The following CFAP299 variants were observed in gnomAD, a reference collection of about 807,000 sequenced individuals.
The protein encoded by CFAP299 is cilia- and flagella-associated protein 299.
A neutral mutation model predicts 27.0 loss-of-function variants in CFAP299; 21 were observed. The ratio of observed to expected loss-of-function variants is 0.78; its 90% CI spans 0.55 to 1.12. The LOEUF (loss-of-function observed/expected upper bound fraction) is 1.12. Ranked by LOEUF, CFAP299 falls within the 50% of genes most tolerant of loss-of-function variation. The pLI is 0.00. For synonymous variants in CFAP299, 104 were observed against 98.1 expected (o/e 1.06, Z -0.36); for missense variants, 310 against 276.6 (o/e 1.12, Z -0.86).
chr4:80,752,603 TCA>T (rs1200106154), intron 3 of CFAP299, among the ~76,000 whole-genome samples: 6 of 151,450 alleles, frequency 4.0e-5, no homozygotes, highest in Non-Finnish European at 1.5e-5. Context: ...TTTGAAAATC[TCA>T]GTCTTATAGT....
chr4:80,829,206 T>G (rs1415615003), intron 3 of CFAP299, among the ~76,000 whole-genome samples: 2 of 151,982 alleles, frequency 1.3e-5, no homozygotes, highest in African/African-American at 4.8e-5. Context: ...TCAGAATATA[T>G]AGTGAATTTC....
rs751992783 is a variant in CFAP299, at chr4:80,944,873, C to T, written c.540C>T (p.Ala180=). 16 of 1,611,736 alleles carry T rather than the reference C, an allele frequency of 9.9e-6. No individual in the cohort carries two copies. The highest frequency in any genetic ancestry group is 6.7e-5 in the East Asian group (3 of 44,752). The part of the protein sequence containing the change: ...SNSSPNYQVI[A]DNPEGLLFRY... Reference sequence around the variant, plus strand: ...CAAGTCCCAACTATCAAGTGATTGCCGATAATCCAGAAGGCTTACTTTTCA... The same window carrying T: ...CAAGTCCCAACTATCAAGTGATTGCTGATAATCCAGAAGGCTTACTTTTCA... The change falls in exon 5 of 6, where the codon GCC becomes GCT. Residue 180 remains alanine, a synonymous_variant. Transcript: ENST00000358105.
intron 3 of CFAP299, among the ~76,000 whole-genome samples, chr4:80,806,794 T>TCC (rs1728887327): frequency 6.6e-6 from 1 of 152,206 alleles, no homozygotes; most frequent in Non-Finnish European, 1.5e-5. Flanking sequence ...CCACAGTATC[T>TCC]GTTTATTCAC....
At chr4:80,512,234 G>A (rs142267801) in intron 2 of CFAP299, among the ~76,000 whole-genome samples, 1,835 of 151,948 alleles carry the variant, frequency 0.012, 24 homozygotes, top group Non-Finnish European at 0.017. Context: ...GTGTGTGTGT[G>A]TGTGTGTGTG....
rs150548235 is a variant in CFAP299, at chr4:80,503,553, C to T, written c.243-79540C>T. ...GGCACAGATCAACTGGAATCAGAAT[C>T]CTGATTCCTCCATATATAACCTGTG... On this transcript the variant is annotated intron_variant, in intron 2 of 5. Transcript: ENST00000358105. Among the ~76,000 whole-genome samples, 181 of 152,138 alleles carry T rather than the reference C, an allele frequency of 1.2e-3. 3 individuals carry two copies. Among genetic ancestry groups the T allele is most frequent in the Admixed American group, 9.8e-3 (150 of 15,268 alleles).
chr4:80,380,315 A>T (rs1231309943), intron 2 of CFAP299, among the ~76,000 whole-genome samples: 1 of 152,112 alleles, frequency 6.6e-6, no homozygotes, highest in African/African-American at 2.4e-5. Context: ...TATAGACAAA[A>T]TCCAATATTG....
At chr4:80,824,165 A>G (rs535486946) in intron 3 of CFAP299, among the ~76,000 whole-genome samples, 2 of 152,260 alleles carry the variant, frequency 1.3e-5, no homozygotes, top group South Asian at 4.2e-4. Context: ...TCACATTGGC[A>G]GATTGGTTTT....
intron 3 of CFAP299, among the ~76,000 whole-genome samples, chr4:80,763,968 A>G (rs1725695175): frequency 6.6e-6 from 1 of 152,216 alleles, no homozygotes; most frequent in African/African-American, 2.4e-5. Flanking sequence ...AGATGGATTA[A>G]AGACTTAAAT....
At chr4:80,602,480 AATT>A (rs1259725565) in intron 3 of CFAP299, among the ~76,000 whole-genome samples, 1 of 152,220 alleles carries the variant, frequency 6.6e-6, no homozygotes, top group African/African-American at 2.4e-5. Flanking sequence ...CAAGAGAACT[AATT>A]GAACAATCAT....
chr4:80,427,541 C>T (rs915977281), intron 2 of CFAP299, among the ~76,000 whole-genome samples: 7 of 152,080 alleles, frequency 4.6e-5, no homozygotes, highest in Non-Finnish European at 7.4e-5. Flanking sequence ...TGAATAGTCC[C>T]AAAATTGTGT....
intron 3 of CFAP299, among the ~76,000 whole-genome samples, chr4:80,661,664 A>G (rs548379475): frequency 1.3e-5 from 2 of 152,156 alleles, no homozygotes; most frequent in Non-Finnish European, 2.9e-5. Flanking sequence ...AATTGTTTAA[A>G]CGATATGAAA....
intron 2 of CFAP299, among the ~76,000 whole-genome samples, chr4:80,422,689 T>C (rs1727346668): frequency 1.3e-5 from 2 of 152,230 alleles, no homozygotes; most frequent in African/African-American, 2.4e-5. Flanking sequence ...TATTAGTAGA[T>C]GATCAATATG....
chr4:80,405,244 C>G (rs766965161), intron 2 of CFAP299, among the ~76,000 whole-genome samples: 1 of 152,150 alleles, frequency 6.6e-6, no homozygotes, highest in Non-Finnish European at 1.5e-5. Context: ...GATGCTGTGT[C>G]TTGCCTGTGG....
intron 2 of CFAP299, among the ~76,000 whole-genome samples, chr4:80,364,089 A>AACACACACACAC (rs56300395): frequency 0.048 from 5,321 of 110,874 alleles, 276 homozygotes; most frequent in Middle Eastern, 0.1. Context: ...TCCGTCTCAA[A>AACACACACACAC]ACACACACAC....
intron 3 of CFAP299, among the ~76,000 whole-genome samples, chr4:80,816,628 T>C (rs1729434609): frequency 6.6e-6 from 1 of 152,106 alleles, no homozygotes; most frequent in Non-Finnish European, 1.5e-5. Context: ...GTGTATCCCA[T>C]TTTCTCAGCA....
At chr4:80,456,920 C>T (rs1603242) in intron 2 of CFAP299, among the ~76,000 whole-genome samples, 11,023 of 151,170 alleles carry the variant, frequency 0.073, 1,301 homozygotes, top group African/African-American at 0.25. Context: ...ACAAAGGCTA[C>T]GGTGTTGTGG....
chr4:80,480,477 T>G (rs1221179001), intron 2 of CFAP299, among the ~76,000 whole-genome samples: 2 of 152,046 alleles, frequency 1.3e-5, no homozygotes, highest in Admixed American at 1.3e-4. Flanking sequence ...CCTAGTTATA[T>G]AACTATGTTA....
intron 3 of CFAP299, among the ~76,000 whole-genome samples, chr4:80,668,111 G>A (rs757211327): frequency 1.1e-4 from 17 of 150,968 alleles, no homozygotes; most frequent in Non-Finnish European, 2.1e-4. Context: ...TCTGTATTTC[G>A]TCTTTTGGGA....
chr4:80,529,950 C>G (rs1046907280), intron 2 of CFAP299, among the ~76,000 whole-genome samples: 1 of 152,066 alleles, frequency 6.6e-6, no homozygotes, highest in Non-Finnish European at 1.5e-5. Flanking sequence ...AAATATTAAT[C>G]TCTTGTTATA....
Sources: allele counts gnomAD v4.1 joint callset (sites outside exome capture counted in the v4.1 genomes callset), GRCh38; gene constraint gnomAD v4.1.1; transcripts MANE v1.5; gene names NCBI Gene and HGNC (gene_info 2026-07-23, HGNC 2026-07-21).